FAM120B: variants seen among roughly 807,000 people sequenced by gnomAD.
FAM120B encodes the protein constitutive coactivator of peroxisome proliferator-activated receptor gamma.
A neutral mutation model predicts 96.3 loss-of-function variants in FAM120B; 83 were observed. The observed-to-expected ratio is 0.86, with a 90% CI of 0.72 to 1.03. The LOEUF (loss-of-function observed/expected upper bound fraction) is 1.03, where lower values mean the gene tolerates loss of function less well. Among genes scored for constraint, FAM120B ranks in the 50% least tolerant of loss-of-function variants. The pLI is 0.00. For missense variants in FAM120B, 1,027 were observed against 1,121.2 expected (o/e 0.92, Z 1.20); for synonymous variants, 407 against 402.7 (o/e 1.01, Z -0.13).
intron 1 of FAM120B, chr6:170,297,807 T>C (rs1160488016): frequency 6.6e-6 from 1 of 152,182 alleles, no homozygotes; most frequent in Non-Finnish European, 1.5e-5. Context: ...CAATAATTAT[T>C]AAACAGCTTC....
At chr6:170,324,763 T>C (rs1295128537) in intron 3 of FAM120B, among the ~76,000 whole-genome samples, 2 of 152,226 alleles carry the variant, frequency 1.3e-5, no homozygotes, top group Admixed American at 1.3e-4. Flanking sequence ...CTTTTTGGCT[T>C]TCTACATGAA....
chr6:170,297,591 G>A (rs1784045718), intron 1 of FAM120B, among the ~76,000 whole-genome samples: 1 of 149,344 alleles, frequency 6.7e-6, no homozygotes, highest in Non-Finnish European at 1.5e-5. Flanking sequence ...CGAAAAACGT[G>A]TGAAGTTATT....
At chr6:170,385,543 C>T (rs983431935) in intron 6 of FAM120B, among the ~76,000 whole-genome samples, 1 of 152,150 alleles carries the variant, frequency 6.6e-6, no homozygotes, top group African/African-American at 2.4e-5. Flanking sequence ...GGAGTTCTCC[C>T]TCCTTGCTGG....
In FAM120B at chr6:170,405,348, C is replaced by T. The variant is rs897802961; in HGVS notation, c.*597C>T. On this transcript the variant is annotated 3_prime_UTR_variant, in exon 11 of 11. Transcript: ENST00000476287. ...AAAGCTATGTGAATGTGGTCTCTGT[C>T]AAAATATCGTGCTGTAATCACCCTT... 2.0e-5 allele frequency: 3 copies of T among 152,218 alleles called. No individual in the cohort carries two copies. The highest frequency in any genetic ancestry group is 7.2e-5 in the African/African-American group (3 of 41,446). 9.4% of individuals were successfully genotyped at this position (152,218 alleles called of 1,614,324 possible). A position where few individuals can be genotyped will look rare whatever the true frequency, so the allele number is the denominator to read the frequency against.
intron 8 of FAM120B, among the ~76,000 whole-genome samples, chr6:170,392,332 C>T (rs139655702): frequency 0.016 from 2,372 of 152,222 alleles, 76 homozygotes; most frequent in African/African-American, 0.054. Flanking sequence ...CTCAGCCTCC[C>T]GAGCAGCTGG....
intron 1 of FAM120B, among the ~76,000 whole-genome samples, chr6:170,308,555 T>C (rs1213911121): frequency 6.6e-6 from 1 of 152,222 alleles, no homozygotes; most frequent in African/African-American, 2.4e-5. Context: ...AGATTTACTG[T>C]AAAGCTAATG....
intron 4 of FAM120B, among the ~76,000 whole-genome samples, chr6:170,331,871 T>A (rs1274988135): frequency 6.6e-6 from 1 of 152,254 alleles, no homozygotes; most frequent in Non-Finnish European, 1.5e-5. Flanking sequence ...GGACCACACA[T>A]TGGGTTCTCT....
At chr6:170,305,463 G>C (rs1351951278), upstream of FAM120B, among the ~76,000 whole-genome samples, 1 of 152,160 alleles carries the variant, frequency 6.6e-6, no homozygotes, top group Non-Finnish European at 1.5e-5. Flanking sequence ...CTTCAATTTG[G>C]TAATGTTTTC....
rs774306994 is a variant in FAM120B at position 170,317,481 on chromosome 6, C to T, written c.91C>T (p.Arg31Ter). ...TTTCAAAGAACTGGCAGAGCACCAC[C>T]GAAGCAAGTATCCTGGATGTACCCC... ...VNFKELAEHH[R>*]SKYPGCTPTI... The change falls in exon 2 of 11, where the codon CGA (arginine) becomes TGA (stop). Residue 31 changes from arginine to a stop codon, truncating the protein, a stop_gained. Transcript: ENST00000476287. LOFTEE classifies it high-confidence loss of function. 1.1e-5 allele frequency: 18 copies of T among 1,614,038 alleles called. No homozygotes were observed. Among genetic ancestry groups the T allele is most frequent in the East Asian group, 2.2e-5 (1 of 44,898 alleles).
At chr6:170,290,973 G>T (rs1361071691), upstream of FAM120B, 10 of 701,256 alleles carry the variant, frequency 1.4e-5, no homozygotes, top group Non-Finnish European at 2.6e-5. This position sits in a 1 kb window ranked among gnomAD's most constrained non-coding sequence, Gnocchi z 4.7. Flanking sequence ...CCGGCCGCCC[G>T]CATGGCTAAT....
intron 8 of FAM120B, among the ~76,000 whole-genome samples, chr6:170,392,388 A>G (rs888952019): frequency 6.6e-6 from 1 of 152,038 alleles, no homozygotes; most frequent in African/African-American, 2.4e-5. Context: ...TTGTATTTTT[A>G]GTACAGAAGG....
chr6:170,391,309 C>T, intron 8 of FAM120B, 188 bp downstream of exon 8: 2 of 534,668 alleles, frequency 3.7e-6, no homozygotes, highest in Non-Finnish European at 6.8e-6. Flanking sequence ...CCGAGGCAGG[C>T]AGATCACTTG....
At chr6:170,296,531 C>T (rs1250675156) in intron 1 of FAM120B, among the ~76,000 whole-genome samples, 1 of 151,802 alleles carries the variant, frequency 6.6e-6, no homozygotes, top group African/African-American at 2.4e-5. Context: ...GCCGCCGCCT[C>T]GTGCGGGACT....
intron 10 of FAM120B, 39 bp from the exon 11 acceptor site, chr6:170,404,724 C>T (rs558716943): frequency 7.9e-6 from 6 of 754,902 alleles, no homozygotes; most frequent in South Asian, 3.4e-5. Flanking sequence ...GACCTGGTGC[C>T]GAGTTAACTT....
upstream of FAM120B, among the ~76,000 whole-genome samples, chr6:170,306,304 G>C (rs1026822658): frequency 6.6e-6 from 1 of 152,042 alleles, no homozygotes; most frequent in Non-Finnish European, 1.5e-5. Context: ...GGAGCCCCCC[G>C]CTGTCCCCGT....
Position 170,404,555 on chromosome 6 carries a change from A to C in FAM120B, c.2698A>C (p.Arg900=). ...TTCATGTCTGTTTACTGCAGGAAGC[A>C]GACAGTATGAGCATGACCAGTGGAG... is the stretch of plus-strand genomic sequence containing the variant. The part of the protein sequence containing the change: ...QPWRDQGPGS[R]QYEHDQWRRY The change falls in exon 10 of 11, where the codon AGA becomes CGA. Residue 900 remains arginine (R), a synonymous_variant. Transcript: ENST00000476287. 6.2e-7 allele frequency: 1 copy of C among 1,613,980 alleles called. No individual in the cohort carries two copies. The highest frequency in any genetic ancestry group is 8.5e-7 in the Non-Finnish European group (1 of 1,179,880).
intron 4 of FAM120B, among the ~76,000 whole-genome samples, chr6:170,331,819 C>T (rs569217379): frequency 1.3e-5 from 2 of 152,354 alleles, no homozygotes; most frequent in African/African-American, 2.4e-5. Flanking sequence ...AAAACATCCT[C>T]TGTTGCACTC....
chr6:170,377,760 C>A (rs1789638688), intron 6 of FAM120B, among the ~76,000 whole-genome samples: 1 of 141,100 alleles, frequency 7.1e-6, no homozygotes, highest in African/African-American at 2.7e-5. Flanking sequence ...TCACGCTGCT[C>A]TGTGCTGTGC....
chr6:170,341,018 T>A (rs1331485956), intron 4 of FAM120B, among the ~76,000 whole-genome samples: 1 of 152,240 alleles, frequency 6.6e-6, no homozygotes, highest in Non-Finnish European at 1.5e-5. Context: ...AGTGCTGTGC[T>A]GGGAGAAACC....
Sources: gnomAD v4.1 joint callset for allele counts (sites outside exome capture counted in the v4.1 genomes callset) on GRCh38, gnomAD v4.1.1 for gene constraint, Gnocchi (gnomAD v3.1) non-coding constraint, MANE v1.5 for transcripts, NCBI Gene and HGNC (gene_info 2026-07-23, HGNC 2026-07-21) for gene names.